The following CENPL variants were observed in gnomAD, a reference collection of about 807,000 sequenced individuals.
CENPL encodes centromere protein L.
CENPL carries 20 observed loss-of-function variants against 35.2 expected under a neutral mutation model. The observed-to-expected ratio is 0.57, with a 90% confidence interval of 0.40 to 0.83. CENPL has a LOEUF of 0.83. CENPL is among the 40% of genes least tolerant of loss of function. The pLI is 0.00. For synonymous variants in CENPL, 140 were observed against 140.6 expected, an observed-to-expected ratio of 1.00 and a Z score of 0.03; for missense variants, 363 against 395.8, an observed-to-expected ratio of 0.92 and a Z score of 0.70.
intron 1 of CENPL, 58 bp from the exon 2 acceptor site, chr1:173,824,077 C>A (rs1347722771): frequency 3.3e-5 from 5 of 152,094 alleles, no homozygotes; most frequent in Admixed American, 3.3e-4. Flanking sequence ...CCAGACTAAC[C>A]CCTGGCCCTC....
chr1:173,803,245 T>C lies in CENPL; in HGVS notation c.681A>G (p.Ala227=), dbSNP rs1022367343. 6.2e-7 allele frequency: 1 copy of C among 1,614,044 alleles called. No homozygotes were observed. The highest frequency in any genetic ancestry group is 8.5e-7 in the Non-Finnish European group (1 of 1,179,868). ...NLSWMAAMWT[A]CKMDHYVATT... ...TAGCCACATAATGGTCCATTTTGCATGCAGTCCACATGGCAGCCATCCAGG... is the reference window on the plus strand; with the variant it reads ...TAGCCACATAATGGTCCATTTTGCACGCAGTCCACATGGCAGCCATCCAGG... The change falls in exon 5 of 6, where the codon GCA becomes GCG. Residue 227 remains alanine, a synonymous_variant. Coordinates refer to ENST00000682279, the MANE Select transcript of CENPL (RefSeq NM_001387287.1).
chr1:173,820,919 A>G (rs908512227), intron 2 of CENPL, among the ~76,000 whole-genome samples: 1 of 152,322 alleles, frequency 6.6e-6, no homozygotes, highest in Admixed American at 6.5e-5. Flanking sequence ...ATGTGACTAT[A>G]AAAAGGCAAC....
chr1:173,817,428 A>G (rs1236187907), intron 2 of CENPL, among the ~76,000 whole-genome samples: 2 of 152,266 alleles, frequency 1.3e-5, no homozygotes, highest in Non-Finnish European at 2.9e-5. Flanking sequence ...TGGTCATCAG[A>G]GAAATGCAAA....
At chr1:173,814,719 C>G (rs908742712) in intron 2 of CENPL, among the ~76,000 whole-genome samples, 2 of 152,088 alleles carry the variant, frequency 1.3e-5, no homozygotes, top group Non-Finnish European at 2.9e-5. Context: ...TAAATGCCCA[C>G]AAGAGAAAGC....
chr1:173,800,659 C>G, intron 5 of CENPL, 140 bp from the exon 6 acceptor site: 1 of 517,510 alleles, frequency 1.9e-6, no homozygotes, highest in Non-Finnish European at 3.5e-6. Context: ...GCAATACACT[C>G]ATTTTTGGCC....
chr1:173,809,368 C>T (rs185112860), intron 3 of CENPL, among the ~76,000 whole-genome samples: 62 of 151,594 alleles, frequency 4.1e-4, no homozygotes, highest in African/African-American at 1.4e-3. Flanking sequence ...GAGGGTTGAT[C>T]ACCTGAGGTC....
chr1:173,800,904 C>G (rs61827869), intron 5 of CENPL, among the ~76,000 whole-genome samples: 14,581 of 152,238 alleles, frequency 0.096, 849 homozygotes, highest in Non-Finnish European at 0.13. Context: ...TTATAGTGAG[C>G]TATAATCACA....
intron 4 of CENPL, among the ~76,000 whole-genome samples, chr1:173,804,886 C>A (rs976823879): frequency 2.6e-5 from 4 of 152,166 alleles, no homozygotes; most frequent in African/African-American, 9.7e-5. Context: ...AGCTTTGTAT[C>A]ATACCCCTTC....
At chr1:173,808,631 A>G (rs1650463731) in intron 3 of CENPL, 1 of 151,974 alleles carries the variant, frequency 6.6e-6, no homozygotes, top group African/African-American at 2.4e-5. Context: ...AAAAAAAAAA[A>G]AAAAAAGATA....
intron 5 of CENPL, among the ~76,000 whole-genome samples, 184 bp from the exon 6 acceptor site, chr1:173,800,703 T>G (rs536660713): frequency 6.6e-6 from 1 of 152,318 alleles, no homozygotes; most frequent in East Asian, 1.9e-4. Flanking sequence ...ATCCCAGCAC[T>G]TTGAGAGGCC....
rs1250863358 is a variant in CENPL, at chr1:173,800,291, A to G, written c.*157T>C. 2 of 511,856 alleles carry G rather than the reference A, an allele frequency of 3.9e-6. No individual in the cohort carries two copies. Among genetic ancestry groups the G allele is most frequent in the Non-Finnish European group, 7.1e-6 (2 of 280,650 alleles). 31.7% of individuals were successfully genotyped at this position (511,856 alleles called of 1,614,324 possible). A position where few individuals can be genotyped will look rare whatever the true frequency, so the allele number is the denominator to read the frequency against. ...ACTACCATATTCTTTGTTCTTCTAG[A>G]TCCTTCTTGGCTTCCATCTTGGCAA... On this transcript the variant is annotated 3_prime_UTR_variant, in exon 6 of 6. Transcript: ENST00000682279.
At chr1:173,800,608 T>C (rs933008928) in intron 5 of CENPL, 89 bp from the exon 6 acceptor site, 2 of 591,320 alleles carry the variant, frequency 3.4e-6, no homozygotes, top group Non-Finnish European at 6.1e-6. Flanking sequence ...CAATGTTATA[T>C]TGGTTTAACT....
chr1:173,805,138 C>A (rs61827870), intron 4 of CENPL, among the ~76,000 whole-genome samples: 33,589 of 152,146 alleles, frequency 0.22, 4,284 homozygotes, highest in Middle Eastern at 0.38. Context: ...ATATGCAAGT[C>A]ACAAAACTTC....
rs548712777 is a variant in CENPL, at chr1:173,807,173, A to T, written c.420+94T>A. 7.5e-6 allele frequency: 9 copies of T among 1,197,894 alleles called. No individual in the cohort carries two copies. In the East Asian group the frequency reaches 8.1e-5, roughly 11 times the overall value. 74.2% of individuals were successfully genotyped at this position (1,197,894 alleles called of 1,614,324 possible). A position where few individuals can be genotyped will look rare whatever the true frequency, so the allele number is the denominator to read the frequency against. On this transcript the variant is annotated intron_variant, in intron 4 of 5. Coordinates refer to ENST00000682279, the MANE Select transcript of CENPL (RefSeq NM_001387287.1). ...AAACTACCTATATATATAGGAAAAA[A>T]TTTTTTAAGTTGATTATATCTAATT...
intron 5 of CENPL, among the ~76,000 whole-genome samples, chr1:173,801,730 G>C (rs1440718633): frequency 1.3e-5 from 2 of 152,252 alleles, no homozygotes; most frequent in Middle Eastern, 6.8e-3. Flanking sequence ...TGAGGCAGGA[G>C]AATCACTTAA....
At chr1:173,809,237 G>A (rs576924710) in intron 3 of CENPL, among the ~76,000 whole-genome samples, 16 of 152,144 alleles carry the variant, frequency 1.1e-4, no homozygotes, top group South Asian at 4.2e-4. Flanking sequence ...CAGCTACTCC[G>A]GAGGCTGAGG....
At position 173,800,351 on chromosome 1, in the gene CENPL, A is replaced by G. The variant is rs1355549916; in HGVS notation, c.*97T>C. 1 of 583,236 alleles carries G rather than the reference A, an allele frequency of 1.7e-6. No homozygotes were observed. Among genetic ancestry groups the G allele is most frequent in the Non-Finnish European group, 3.1e-6 (1 of 318,870 alleles). 36.1% of individuals were successfully genotyped at this position (583,236 alleles called of 1,614,324 possible). On this transcript the variant is annotated 3_prime_UTR_variant, in exon 6 of 6. Transcript: ENST00000682279. ...CATGGTGGGGAAAACAGATGCAGAGATAGATGCCTATTTCTCCTGCAGTCT... is the reference window on the plus strand; with the variant it reads ...CATGGTGGGGAAAACAGATGCAGAGGTAGATGCCTATTTCTCCTGCAGTCT...
At chr1:173,814,219 C>T (rs1039841251) in intron 2 of CENPL, among the ~76,000 whole-genome samples, 3 of 152,068 alleles carry the variant, frequency 2.0e-5, no homozygotes, top group African/African-American at 7.3e-5. Context: ...CTTAGACTCC[C>T]ACACAATAAT....
intron 2 of CENPL, among the ~76,000 whole-genome samples, chr1:173,813,057 G>C (rs1650997633): frequency 6.6e-6 from 1 of 152,152 alleles, no homozygotes; most frequent in African/African-American, 2.4e-5. Context: ...ATTCAATCAA[G>C]TGGAAGAAAG....
Sources: allele counts gnomAD v4.1 joint callset (sites outside exome capture counted in the v4.1 genomes callset), GRCh38; gene constraint gnomAD v4.1.1; transcripts MANE v1.5; gene names NCBI Gene and HGNC (gene_info 2026-07-23, HGNC 2026-07-21).